MYO5A: variants seen among roughly 807,000 people sequenced by gnomAD.
MYO5A encodes the protein unconventional myosin-Va.
In MYO5A, 98 loss-of-function variants were observed where a neutral mutation model predicts 249.7. The observed-to-expected ratio is 0.39, with a 90% CI of 0.33 to 0.46. The LOEUF (loss-of-function observed/expected upper bound fraction) is 0.46, where lower values mean the gene tolerates loss of function less well. MYO5A is among the 20% of genes least tolerant of loss of function. The pLI, the probability that MYO5A is intolerant of heterozygous loss-of-function variation, is 0.98. For synonymous variants in MYO5A, 778 were observed against 810.6 expected (o/e 0.96, Z 0.68); for missense variants, 1,696 against 2,308.8 (o/e 0.73, Z 5.44).
chr15:52,417,058 G>T (rs2043534408), intron 4 of MYO5A, among the ~76,000 whole-genome samples: 1 of 152,098 alleles, frequency 6.6e-6, no homozygotes, highest in South Asian at 2.1e-4. Context: ...GTTCATACAT[G>T]CAACAGTGTG....
At chr15:52,391,792 G>T in intron 12 of MYO5A, 138 bp downstream of exon 12, 2 of 831,618 alleles carry the variant, frequency 2.4e-6, no homozygotes, top group Non-Finnish European at 3.9e-6. Context: ...GTGTCCCTTT[G>T]GAATGAAAGC....
In MYO5A at chr15:52,340,214, C is replaced by G; in HGVS notation, c.4221G>C (p.Arg1407=). ...TCCTTACCAAGTTTTCGTTGGTCAGCCGGGTGATCTCGTGCTGCAGGCTGG... is the reference window on the plus strand; with the variant it reads ...TCCTTACCAAGTTTTCGTTGGTCAGGCGGGTGATCTCGTGCTGCAGGCTGG... ...IEASLQHEIT[R]LTNENLYFEE... Residue 1407 remains arginine (R), a synonymous_variant, in exon 32 of 42, where the codon CGG becomes CGC. Coordinates refer to ENST00000399233, the MANE Select transcript of MYO5A (RefSeq NM_001382347.1). 5 of 1,614,138 alleles carry G rather than the reference C, an allele frequency of 3.1e-6. No individual in the cohort carries two copies. Among genetic ancestry groups the G allele is most frequent in the Non-Finnish European group, 4.2e-6 (5 of 1,180,018 alleles).
chr15:52,430,415 T>G lies in MYO5A; in HGVS notation c.139-1846A>C, dbSNP rs1479044658. Reference sequence around the variant, plus strand: ...AAGGTAGAGAAGATCTGTAACATCTTCACAGAAATTTCCTTCTTGGAGTTA... The same window carrying G: ...AAGGTAGAGAAGATCTGTAACATCTGCACAGAAATTTCCTTCTTGGAGTTA... On this transcript the variant is annotated intron_variant, in intron 2 of 41. Coordinates refer to ENST00000399233, the MANE Select transcript of MYO5A (RefSeq NM_001382347.1). Among the ~76,000 whole-genome samples, 3 of 152,218 alleles carry G rather than the reference T, an allele frequency of 2.0e-5. No homozygotes were observed. The East Asian group carries it at 5.8e-4, about 29-fold the overall frequency.
At chr15:52,374,837 C>A (rs2041318218) in intron 20 of MYO5A, among the ~76,000 whole-genome samples, 1 of 152,176 alleles carries the variant, frequency 6.6e-6, no homozygotes, top group Admixed American at 6.5e-5. Flanking sequence ...TTTAAGGTAA[C>A]AAGTTTGTGA....
intron 23 of MYO5A, among the ~76,000 whole-genome samples, chr15:52,365,064 T>C (rs1274375278): frequency 6.6e-6 from 1 of 152,138 alleles, no homozygotes; most frequent in Non-Finnish European, 1.5e-5. Flanking sequence ...TTGCCCAAAG[T>C]AGTGTACTCT....
At position 52,340,319 on chromosome 15, in the gene MYO5A, C is replaced by T. The variant is rs770770732; in HGVS notation, c.4116G>A (p.Gln1372=). Residue 1372 remains glutamine (Q), a synonymous_variant, in exon 32 of 42, where the codon CAG becomes CAA. Transcript: ENST00000399233. ...GTCGGTTGTTCTCCTCCTTCAGGCT[C>T]TGGATCTCCCCACGGAGGGCCTCGG... ...NEAEALRGEI[Q]SLKEENNRQQ... is the part of the protein sequence containing the mutation. 6.0e-5 allele frequency: 97 copies of T among 1,613,882 alleles called. No homozygotes were observed. The highest frequency in any genetic ancestry group is 7.2e-5 in the Non-Finnish European group (85 of 1,180,026).
chr15:52,409,301 A>C (rs565290179), intron 6 of MYO5A, among the ~76,000 whole-genome samples: 10 of 152,166 alleles, frequency 6.6e-5, no homozygotes, highest in African/African-American at 2.4e-4. Context: ...CTTCCCTTAG[A>C]TCTACCTCTG....
chr15:52,371,502 T>C (rs776654991), intron 21 of MYO5A, among the ~76,000 whole-genome samples: 4 of 152,220 alleles, frequency 2.6e-5, no homozygotes, highest in Non-Finnish European at 4.4e-5. Flanking sequence ...AAATACAGTA[T>C]GCCTGGTTCA....
chr15:52,528,908 A>AGCAGGGCAGG (rs1337705114), upstream of MYO5A: 13 of 1,185,162 alleles, frequency 1.1e-5, no homozygotes, highest in Admixed American at 4.5e-5. Flanking sequence ...GCCGGCAGGG[A>AGCAGGGCAGG]GCAGGGCAGG....
chr15:52,418,596 A>G (rs1257423674), intron 4 of MYO5A, among the ~76,000 whole-genome samples: 1 of 152,276 alleles, frequency 6.6e-6, no homozygotes, highest in African/African-American at 2.4e-5. Context: ...TTGAGAGGGT[A>G]ATACCAGAAT....
At chr15:52,318,453 T>A (rs1049763533) in intron 39 of MYO5A, among the ~76,000 whole-genome samples, 37 of 50,218 alleles carry the variant, frequency 7.4e-4, no homozygotes, top group African/African-American at 3.2e-3. Context: ...CAAAACTCCA[T>A]CTCAAAAAAA....
intron 4 of MYO5A, among the ~76,000 whole-genome samples, chr15:52,425,380 G>T (rs895396033): frequency 1.3e-5 from 2 of 150,772 alleles, no homozygotes; most frequent in African/African-American, 2.5e-5. Flanking sequence ...TTGTTTTTGA[G>T]ACAGAGTCCT....
intron 4 of MYO5A, among the ~76,000 whole-genome samples, chr15:52,424,866 C>G (rs985046547): frequency 1.3e-5 from 2 of 152,100 alleles, no homozygotes; most frequent in African/African-American, 4.8e-5. Flanking sequence ...CATTTTCCAC[C>G]CTCAAAATGT....
At chr15:52,465,530 G>A (rs967836904) in intron 1 of MYO5A, among the ~76,000 whole-genome samples, 1 of 152,066 alleles carries the variant, frequency 6.6e-6, no homozygotes, top group Non-Finnish European at 1.5e-5. Flanking sequence ...AAGAACTTTT[G>A]CCTGTAGTCC....
At chr15:52,324,263 C>T (rs1177809339) in intron 36 of MYO5A, among the ~76,000 whole-genome samples, 1 of 152,102 alleles carries the variant, frequency 6.6e-6, no homozygotes, top group Non-Finnish European at 1.5e-5. Context: ...CTGGGCAGTA[C>T]AGTCAGGGGA....
intron 1 of MYO5A, among the ~76,000 whole-genome samples, chr15:52,520,444 T>C (rs990278501): frequency 6.6e-6 from 1 of 152,196 alleles, no homozygotes; most frequent in African/African-American, 2.4e-5. Flanking sequence ...TAAGATCATG[T>C]GATCTGCAGG....
At chr15:52,406,140 A>T (rs2042995371) in intron 8 of MYO5A, among the ~76,000 whole-genome samples, 1 of 152,230 alleles carries the variant, frequency 6.6e-6, no homozygotes, top group Non-Finnish European at 1.5e-5. Flanking sequence ...GAATCTCCAG[A>T]AAATTAGCTA....
intron 22 of MYO5A, among the ~76,000 whole-genome samples, chr15:52,369,352 C>T (rs979111921): frequency 8.5e-5 from 13 of 152,194 alleles, no homozygotes; most frequent in African/African-American, 2.4e-4. Flanking sequence ...AGCGGAATCT[C>T]TGAAAATCGA....
At position 52,497,065 on chromosome 15, in the gene MYO5A, G is replaced by A. The variant is rs1176472160; in HGVS notation, c.27+31715C>T. Among the ~76,000 whole-genome samples the A allele has an allele frequency of 3.9e-5, 6 of 152,096 alleles. No homozygotes were observed. The East Asian group carries it at 1.2e-3, about 29-fold the overall frequency. ...CAACTTCCACCTCTCAGGCTCAAGC[G>A]ATTCTCCCACCTCAGCCTTCTGAGT... On this transcript the variant is annotated intron_variant, in intron 1 of 41. Coordinates refer to ENST00000399233, the MANE Select transcript of MYO5A (RefSeq NM_001382347.1).
Sources: gnomAD v4.1 joint callset for allele counts (sites outside exome capture counted in the v4.1 genomes callset) on GRCh38, gnomAD v4.1.1 for gene constraint, MANE v1.5 for transcripts, NCBI Gene and HGNC (gene_info 2026-07-23, HGNC 2026-07-21) for gene names.